Variants in C11orf65 observed in about 807,000 individuals in gnomAD.
C11orf65 encodes the protein protein MFI.
In C11orf65, 38 loss-of-function variants were observed where a neutral mutation model predicts 35.3. The ratio of observed to expected loss-of-function variants is 1.08; its 90% CI spans 0.83 to 1.41. The LOEUF (loss-of-function observed/expected upper bound fraction) is 1.41. C11orf65 is among the 40% of genes most tolerant of loss of function. The pLI, the probability that C11orf65 is intolerant of heterozygous loss-of-function variation, is 0.00. For missense variants in C11orf65, 370 were observed against 367.1 expected, an observed-to-expected ratio of 1.01 and a Z score of -0.06; for synonymous variants, 105 against 114.4, an observed-to-expected ratio of 0.92 and a Z score of 0.53.
At chr11:108,324,987 T>C (rs2085502353) in intron 6 of C11orf65, among the ~76,000 whole-genome samples, 1 of 152,174 alleles carries the variant, frequency 6.6e-6, no homozygotes, top group African/African-American at 2.4e-5. Context: ...TTCTTTATGA[T>C]AGGTCTGATG....
At chr11:108,363,207 ATCATTTCTTTCCTCTCTTGGAT>A (rs1402960794) in intron 2 of C11orf65, among the ~76,000 whole-genome samples, 1 of 152,162 alleles carries the variant, frequency 6.6e-6, no homozygotes, top group African/African-American at 2.4e-5. Flanking sequence ...CCTCTGGGAC[ATCATTTCTTTCCTCTCTTGGAT>A]TCATTTCTTT....
chr11:108,334,854 T>A, intron 3 of C11orf65: 1 of 1,275,544 alleles, frequency 7.8e-7, no homozygotes, highest in Admixed American at 1.9e-5. Flanking sequence ...TTAACCACTA[T>A]CACATCGTCA....
chr11:108,469,619 G>C (rs1356995435), upstream of C11orf65, among the ~76,000 whole-genome samples: 4 of 152,018 alleles, frequency 2.6e-5, no homozygotes, highest in East Asian at 7.8e-4. Flanking sequence ...AGTTACTGTT[G>C]AGTACTTATG....
chr11:108,350,755 A>G (rs371406), intron 2 of C11orf65, among the ~76,000 whole-genome samples: 94,437 of 151,866 alleles, frequency 0.62, 29,664 homozygotes, highest in Middle Eastern at 0.76. Flanking sequence ...GAATGAAAGG[A>G]GAGTGGTCTG....
In C11orf65 at chr11:108,383,868, T is replaced by C. The variant is rs559460242; in HGVS notation, c.788-693A>G. ...TTTTAACTCAGTAACTTATATTGTT[T>C]CCTTTTTTTTTTTTTTTTTTGAGAC... On this transcript the variant is annotated intron_variant, in intron 8 of 8. Coordinates refer to ENST00000393084, the MANE Select transcript of C11orf65 (RefSeq NM_152587.5). Among the ~76,000 whole-genome samples the C allele has an allele frequency of 4.6e-4, 50 of 108,818 alleles. 1 individual carries two copies. In the South Asian group the frequency reaches 0.013, roughly 28 times the overall value. The allele number at this position is 108,818 out of a possible 152,430, so 71.4% of individuals were successfully genotyped here.
rs1418529427 is a variant in C11orf65 at position 108,362,730 on chromosome 11, A to T, written c.227-27438T>A. ...AACCAAACACCGCATATTCTCACTC[A>T]TAGGTGGGAATTGAACAATGAGAAC... On this transcript the variant is annotated intron_variant, in intron 2 of 3. Transcript: ENST00000524755. 2.8e-5 allele frequency among the ~76,000 whole-genome samples: 4 copies of T among 140,916 alleles called. No homozygotes were observed. In the East Asian group the frequency reaches 9.1e-4, roughly 32 times the overall value. 92.4% of individuals were successfully genotyped at this position (140,916 alleles called of 152,430 possible). A position where few individuals can be genotyped will look rare whatever the true frequency, so the allele number is the denominator to read the frequency against.
At chr11:108,410,148 G>GT (rs1565661955) in intron 3 of C11orf65, among the ~76,000 whole-genome samples, 1 of 152,086 alleles carries the variant, frequency 6.6e-6, no homozygotes, top group Non-Finnish European at 1.5e-5. Flanking sequence ...CCAAATTTTT[G>GT]TAACAATCCC....
intron 2 of C11orf65, among the ~76,000 whole-genome samples, chr11:108,450,875 T>C (rs1000267568): frequency 9.9e-5 from 15 of 152,014 alleles, no homozygotes; most frequent in South Asian, 2.1e-4. Context: ...ATAAATGTAA[T>C]CCAGCATATA....
At chr11:108,396,978 C>T (rs1565644400) in intron 6 of C11orf65, among the ~76,000 whole-genome samples, 2 of 151,688 alleles carry the variant, frequency 1.3e-5, no homozygotes, top group Non-Finnish European at 2.9e-5. Flanking sequence ...AATAAAAGAT[C>T]ACTTTATAAA....
Position 108,405,482 on chromosome 11 carries a change from C to T in C11orf65, c.507G>A (p.Arg169=). 2 of 1,613,470 alleles carry T rather than the reference C, an allele frequency of 1.2e-6. No homozygotes were observed. Among genetic ancestry groups the T allele is most frequent in the Middle Eastern group, 1.7e-4 (1 of 6,060 alleles). Residue 169 remains arginine (R), a synonymous_variant, in exon 6 of 9, where the codon AGG becomes AGA. Coordinates refer to ENST00000393084, the MANE Select transcript of C11orf65 (RefSeq NM_152587.5). The part of the protein sequence containing the change: ...SEFHFSKLKR[R]QDLEKKRKLR... ...GTTTTCTTTTCTTTTCCAAATCTTGCCTTCTCTTCAGTTTAGAGAAATGGA... is the reference window on the plus strand; with the variant it reads ...GTTTTCTTTTCTTTTCCAAATCTTGTCTTCTCTTCAGTTTAGAGAAATGGA...
rs564134418 is a variant in C11orf65 at position 108,386,455 on chromosome 11, C to T, written c.732-480G>A. On this transcript the variant is annotated intron_variant, in intron 7 of 8. Transcript: ENST00000393084. Reference sequence around the variant, plus strand: ...GTTTCTGAGCTCATTAGAGCAGCAGCGCTGTCTTTGCAGTGTCCAGAACAC... The same window carrying T: ...GTTTCTGAGCTCATTAGAGCAGCAGTGCTGTCTTTGCAGTGTCCAGAACAC... Among the ~76,000 whole-genome samples, 23 of 152,278 alleles carry T rather than the reference C, an allele frequency of 1.5e-4. No homozygotes were observed. The East Asian group carries it at 2.9e-3, about 19-fold the overall frequency.
chr11:108,374,294 C>T (rs930306724), intron 2 of C11orf65, among the ~76,000 whole-genome samples: 48 of 152,310 alleles, frequency 3.2e-4, no homozygotes, highest in African/African-American at 1.1e-3. Flanking sequence ...ACAAAACTTC[C>T]AGAGGAACGA....
chr11:108,369,091 TCTAAAAGCATATA>T (rs1186003088), intron 2 of C11orf65: 7 of 170,234 alleles, frequency 4.1e-5, no homozygotes, highest in Middle Eastern at 2.4e-3. Context: ...AATAAATAAT[TCTAAAAGCATATA>T]CTAAGACTCA....
intron 2 of C11orf65, among the ~76,000 whole-genome samples, chr11:108,450,115 T>C (rs918490448): frequency 2.0e-5 from 3 of 151,912 alleles, no homozygotes; most frequent in African/African-American, 4.9e-5. Flanking sequence ...ATGGCGATCA[T>C]TAAAAAGTCA....
downstream of C11orf65, chr11:108,328,890 T>C (rs1439512647): frequency 1.4e-5 from 14 of 1,024,728 alleles, no homozygotes; most frequent in Admixed American, 2.3e-5. Flanking sequence ...AAGTTTGCAA[T>C]AGTTCATATA....
intron 2 of C11orf65, among the ~76,000 whole-genome samples, chr11:108,351,576 CAT>C (rs2089202121): frequency 6.6e-6 from 1 of 152,194 alleles, no homozygotes; most frequent in Admixed American, 6.5e-5. Flanking sequence ...GGCCAGAGTT[CAT>C]GATTGCTTCT....
intron 2 of C11orf65, among the ~76,000 whole-genome samples, chr11:108,362,485 A>G (rs2090884821): frequency 6.6e-6 from 1 of 150,704 alleles, no homozygotes. Context: ...TGCTGCTATA[A>G]AGACACATGC....
chr11:108,379,664 T>C (rs373613420), downstream of C11orf65, among the ~76,000 whole-genome samples: 1 of 151,456 alleles, frequency 6.6e-6, no homozygotes, highest in East Asian at 1.9e-4. Flanking sequence ...GGAAAATCCA[T>C]AGCTCCTGGG....
chr11:108,445,978 AG>A (rs1565708825), intron 2 of C11orf65, among the ~76,000 whole-genome samples: 1 of 152,228 alleles, frequency 6.6e-6, no homozygotes, highest in East Asian at 1.9e-4. Context: ...TGAAGAATGC[AG>A]AAGCCTCAGG....
Sources: allele counts gnomAD v4.1 joint callset (sites outside exome capture counted in the v4.1 genomes callset), GRCh38; gene constraint gnomAD v4.1.1; transcripts MANE v1.5; gene names NCBI Gene and HGNC (gene_info 2026-07-23, HGNC 2026-07-21).